The following BRD4 variants were observed in gnomAD, a reference collection of about 807,000 sequenced individuals.
BRD4 encodes bromodomain-containing protein 4.
In BRD4, 16 loss-of-function variants were observed where a neutral mutation model predicts 142.1. The observed-to-expected ratio is 0.11, with a 90% CI of 0.08 to 0.17. The LOEUF is 0.17. Among genes scored for constraint, BRD4 ranks in the 10% least tolerant of loss-of-function variants. BRD4 has a pLI of 1.00. For synonymous variants in BRD4, 833 were observed against 707.5 expected (o/e 1.18, Z -2.82); for missense variants, 1,424 against 1,810.9 (o/e 0.79, Z 3.88).
chr19:15,257,988 C>G (rs921096825), intron 7 of BRD4, among the ~76,000 whole-genome samples: 6 of 152,176 alleles, frequency 3.9e-5, no homozygotes, highest in African/African-American at 1.4e-4. Context: ...ATACTGCCAG[C>G]CAGCTGTCAA....
At chr19:15,328,431 C>CAA (rs1730907951) in intron 1 of BRD4, among the ~76,000 whole-genome samples, 1 of 152,158 alleles carries the variant, frequency 6.6e-6, no homozygotes, top group Non-Finnish European at 1.5e-5. Flanking sequence ...CACCGCACTT[C>CAA]AAACTGCTAA....
At chr19:15,249,328 G>A (rs1478257491) in intron 11 of BRD4, 1 of 1,613,836 alleles carries the variant, frequency 6.2e-7, no homozygotes, top group East Asian at 2.2e-5. Context: ...TGAGAGAAAT[G>A]GTGTGGAATG....
At chr19:15,275,263 A>G (rs1419180341) in intron 1 of BRD4, among the ~76,000 whole-genome samples, 1 of 152,218 alleles carries the variant, frequency 6.6e-6, no homozygotes, top group Non-Finnish European at 1.5e-5. Flanking sequence ...GCAAAAGCCA[A>G]AACACCCCTC....
chr19:15,301,865 GAA>G (rs952860124), intron 1 of BRD4, among the ~76,000 whole-genome samples: 16 of 40,478 alleles, frequency 4.0e-4, no homozygotes, highest in African/African-American at 8.7e-4. Flanking sequence ...CCGTCTCAAA[GAA>G]AAAAAAAAAA....
intron 1 of BRD4, among the ~76,000 whole-genome samples, chr19:15,310,277 G>A (rs1303160849): frequency 7.4e-6 from 1 of 134,256 alleles, no homozygotes; most frequent in African/African-American, 2.8e-5. Context: ...GCAATGGCGT[G>A]ATCTCAGCTC....
chr19:15,240,254 A>C (rs1017750904), intron 14 of BRD4, among the ~76,000 whole-genome samples: 1 of 152,144 alleles, frequency 6.6e-6, no homozygotes, highest in African/African-American at 2.4e-5. Context: ...GTCCCCCTGC[A>C]TGTGGGGCAT....
chr19:15,289,137 G>A (rs1268288249), intron 1 of BRD4, among the ~76,000 whole-genome samples: 1 of 152,152 alleles, frequency 6.6e-6, no homozygotes, highest in Non-Finnish European at 1.5e-5. Flanking sequence ...TCTGGGTTCT[G>A]ACAACTAGTG....
chr19:15,249,441 C>A (rs545464613), intron 11 of BRD4, among the ~76,000 whole-genome samples: 2 of 152,264 alleles, frequency 1.3e-5, no homozygotes, highest in South Asian at 4.1e-4. Flanking sequence ...GGAGCCCTGC[C>A]CCGTGCCTGG....
In BRD4 at chr19:15,255,359, G is replaced by A; in HGVS notation, c.1985C>T (p.Ser662Phe). The A allele has an allele frequency of 1.2e-6, 2 of 1,614,106 alleles. 1 individual carries two copies. The part of the protein sequence containing the change: ...IEIDFETLKP[S>F]TLRELERYVT... ...ATAGCGCTCCAGCTCACGCAGTGTG[G>A]ACGGCTTCAGGGTCTCAAAGTCGAT... The change falls in exon 10 of 20, where the codon TCC becomes TTC. Residue 662 changes from serine to phenylalanine, a missense_variant. By Grantham distance (155) the Ser-to-Phe change is radical. Around this residue, in one of 16 missense-constraint regions of BRD4, gnomAD observed 46 missense variants for 110.4 expected, o/e 0.42. Transcript: ENST00000679869.
At position 15,265,383 on chromosome 19, in the gene BRD4, T is replaced by G. The variant is rs920213687; in HGVS notation, c.820A>C (p.Ile274Leu). 1 of 1,402,704 alleles carries G rather than the reference T, an allele frequency of 7.1e-7. No individual in the cohort carries two copies. Among genetic ancestry groups the G allele is most frequent in the Non-Finnish European group, 9.3e-7 (1 of 1,070,502 alleles). The allele number at this position is 1,402,704 out of a possible 1,614,324, so 86.9% of individuals were successfully genotyped here. A position where few individuals can be genotyped will look rare whatever the true frequency, so the allele number is the denominator to read the frequency against. The change falls in exon 5 of 20, where the codon ATC becomes CTC. Residue 274 changes from isoleucine (I) to leucine (L), a missense_variant. Coordinates refer to ENST00000679869, the MANE Select transcript of BRD4 (RefSeq NM_001379291.1). The stretch of plus-strand genomic sequence containing the variant: ...ACAGGCTGTGGGGTGGCCGCGATGA[T>G]GGGTGGGTGGCTCTGTACGGGCTGG... Reference protein sequence around the residue: ...APQPVQSHPPIIAATPQPVKT... With the variant: ...APQPVQSHPPLIAATPQPVKT...
intron 2 of BRD4, among the ~76,000 whole-genome samples, chr19:15,272,116 C>G (rs1372438979): frequency 1.3e-5 from 2 of 152,166 alleles, no homozygotes; most frequent in Non-Finnish European, 2.9e-5. Flanking sequence ...TGAGGTTCAG[C>G]TGGAGATACA....
chr19:15,316,781 A>G (rs1170085716), intron 1 of BRD4, among the ~76,000 whole-genome samples: 1 of 152,202 alleles, frequency 6.6e-6, no homozygotes, highest in Non-Finnish European at 1.5e-5. Flanking sequence ...CTGTCCAGTC[A>G]GCATTCTGCA....
intron 1 of BRD4, among the ~76,000 whole-genome samples, chr19:15,319,495 T>C (rs926540755): frequency 6.6e-6 from 1 of 152,064 alleles, no homozygotes; most frequent in Non-Finnish European, 1.5e-5. Flanking sequence ...ACACCTGTAG[T>C]TGCAGCTACT....
At chr19:15,312,596 C>T (rs1415037754) in intron 1 of BRD4, among the ~76,000 whole-genome samples, 1 of 151,762 alleles carries the variant, frequency 6.6e-6, no homozygotes, top group Non-Finnish European at 1.5e-5. Flanking sequence ...CGCACCATTG[C>T]ACTCCAGCCT....
chr19:15,327,205 C>A, intron 1 of BRD4, among the ~76,000 whole-genome samples: 1 of 152,172 alleles, frequency 6.6e-6, no homozygotes, highest in Middle Eastern at 3.2e-3. Context: ...TATGACCCAG[C>A]AATTCCACTC....
intron 1 of BRD4, among the ~76,000 whole-genome samples, chr19:15,305,401 A>T (rs2047905334): frequency 6.6e-6 from 1 of 152,218 alleles, no homozygotes; most frequent in African/African-American, 2.4e-5. Context: ...GGGCTGCTGT[A>T]TGGATGTTTT....
At chr19:15,301,069 A>G (rs1568403726) in intron 1 of BRD4, among the ~76,000 whole-genome samples, 1 of 152,230 alleles carries the variant, frequency 6.6e-6, no homozygotes, top group Non-Finnish European at 1.5e-5. Context: ...GCTGGGGTCT[A>G]TCCATATGAT....
Position 15,237,416 on chromosome 19 carries a change from G to T in BRD4, c.*961C>A, listed in dbSNP as rs1426494981. The T allele has an allele frequency of 4.5e-6, 1 of 223,126 alleles. No homozygotes were observed. Among genetic ancestry groups the T allele is most frequent in the African/African-American group, 2.3e-5 (1 of 44,432 alleles). 13.8% of individuals were successfully genotyped at this position (223,126 alleles called of 1,614,324 possible). On this transcript the variant is annotated 3_prime_UTR_variant, in exon 20 of 20. Transcript: ENST00000679869. ...TTTTTTCTTTTTTCACACCAGTTTG[G>T]TGGAGTCACCAACAAACTTCAAACA...
rs1267202686 is a variant in BRD4, at chr19:15,238,985, GC to G, written c.3783-6del. The G allele has an allele frequency of 6.3e-7, 1 of 1,582,276 alleles. No individual in the cohort carries two copies. Among genetic ancestry groups the G allele is most frequent in the South Asian group, 1.1e-5 (1 of 89,294 alleles). On this transcript the variant is annotated splice_region_variant and splice_polypyrimidine_tract_variant and intron_variant, in intron 18 of 19. Coordinates refer to ENST00000679869, the MANE Select transcript of BRD4 (RefSeq NM_001379291.1). The surrounding 1 kb of genome is among the most constrained non-coding windows in gnomAD (Gnocchi z 7.2). ...GCATCCTCGTCCTCTCGGCTCCTGGGCAGAGGGTCCCAGTCAGCCTGGGGAC... is the reference window on the plus strand; with the variant it reads ...GCATCCTCGTCCTCTCGGCTCCTGGGAGAGGGTCCCAGTCAGCCTGGGGAC...
Sources: gnomAD v4.1 joint callset for allele counts (sites outside exome capture counted in the v4.1 genomes callset) on GRCh38, gnomAD v4.1.1 for gene constraint, gnomAD v4.1.1 regional missense constraint, Gnocchi (gnomAD v3.1) non-coding constraint, MANE v1.5 for transcripts, NCBI Gene and HGNC (gene_info 2026-07-23, HGNC 2026-07-21) for gene names.